Variants in ADGRB3 observed in about 807,000 individuals in gnomAD.
ADGRB3 encodes the protein brain-specific angiogenesis inhibitor 3.
In ADGRB3, 37 loss-of-function variants were observed where a neutral mutation model predicts 193.4. The observed-to-expected ratio is 0.19, with a 90% CI of 0.15 to 0.25. ADGRB3 has a LOEUF of 0.25. Ranked by LOEUF, ADGRB3 falls within the 10% of genes least tolerant of loss-of-function variation. ADGRB3 has a pLI of 1.00. For missense variants in ADGRB3, 1,637 were observed against 1,852.9 expected (o/e 0.88, Z 2.14); for synonymous variants, 690 against 644.2 (o/e 1.07, Z -1.08).
In ADGRB3 at chr6:68,930,659, G is replaced by A. The variant is rs930591409; in HGVS notation, c.858G>A (p.Met286Ile). 2 of 1,599,592 alleles carry A rather than the reference G, an allele frequency of 1.3e-6. No homozygotes were observed. Among genetic ancestry groups the A allele is most frequent in the Non-Finnish European group, 1.7e-6 (2 of 1,168,832 alleles). The change falls in exon 4 of 32, where the codon ATG (methionine) becomes ATA (isoleucine). Residue 286 changes from methionine to isoleucine, a missense_variant. Met to Ile is a conservative substitution (Grantham distance 10). Coordinates refer to ENST00000370598, the MANE Select transcript of ADGRB3 (RefSeq NM_001704.3). ...PQEQADAAKF[M>I]AQTGESGVEE... Reference sequence around the variant, plus strand: ...AACAAGCTGATGCTGCTAAATTTATGGCACAAACTGGTAATACGTTAGTTA... The same window carrying A: ...AACAAGCTGATGCTGCTAAATTTATAGCACAAACTGGTAATACGTTAGTTA...
intron 3 of ADGRB3, among the ~76,000 whole-genome samples, chr6:68,640,416 A>T (rs1004462566): frequency 6.6e-6 from 1 of 152,264 alleles, no homozygotes; most frequent in African/African-American, 2.4e-5. Context: ...ACAGCGTGAC[A>T]TATTTTGAGA....
chr6:69,339,468 T>C lies in ADGRB3; in HGVS notation c.3423T>C (p.Phe1141=), dbSNP rs2127319282. The change falls in exon 26 of 32, where the codon TTT becomes TTC. Residue 1141 remains phenylalanine, a synonymous_variant. Transcript: ENST00000370598. Reference sequence around the variant, plus strand: ...CTGTGTTTGATTCATTGCAAGGCTTTGTTATAGTCATGGTCCACTGCATTC... The same window carrying C: ...CTGTGTTTGATTCATTGCAAGGCTTCGTTATAGTCATGGTCCACTGCATTC... ...LFAVFDSLQG[F]VIVMVHCILR... is the part of the protein sequence containing the mutation. 6.2e-7 allele frequency: 1 copy of C among 1,614,022 alleles called. No homozygotes were observed. Among genetic ancestry groups the C allele is most frequent in the East Asian group, 2.2e-5 (1 of 44,888 alleles).
chr6:69,014,494 T>C (rs1770032851), intron 12 of ADGRB3, among the ~76,000 whole-genome samples: 3 of 152,032 alleles, frequency 2.0e-5, no homozygotes, highest in South Asian at 2.1e-4. Context: ...ACATATAATA[T>C]GGATCACAGA....
chr6:68,925,175 A>C (rs13197534), intron 3 of ADGRB3, among the ~76,000 whole-genome samples: 50,891 of 151,786 alleles, frequency 0.34, 9,554 homozygotes, highest in Middle Eastern at 0.53. Flanking sequence ...ATCAAATGAG[A>C]GAATACAATT....
chr6:69,066,079 A>G (rs1397269916), intron 16 of ADGRB3, among the ~76,000 whole-genome samples: 1 of 151,804 alleles, frequency 6.6e-6, no homozygotes, highest in East Asian at 1.9e-4. Flanking sequence ...GGTATCTGCA[A>G]GGGGTTCTGG....
intron 3 of ADGRB3, among the ~76,000 whole-genome samples, chr6:68,893,343 G>A (rs1264912346): frequency 6.6e-6 from 1 of 151,854 alleles, no homozygotes; most frequent in Non-Finnish European, 1.5e-5. Flanking sequence ...ATTTCACTAG[G>A]AATGAAATTG....
intron 3 of ADGRB3, among the ~76,000 whole-genome samples, chr6:68,647,009 C>T (rs905709312): frequency 1.3e-5 from 2 of 152,024 alleles, no homozygotes; most frequent in African/African-American, 2.4e-5. Context: ...GAAGGATTTC[C>T]GTATTTCATG....
intron 20 of ADGRB3, among the ~76,000 whole-genome samples, chr6:69,300,230 T>A (rs1301451367): frequency 6.6e-6 from 1 of 151,826 alleles, no homozygotes; most frequent in Non-Finnish European, 1.5e-5. Context: ...TATGATCATC[T>A]CAATAGATGC....
chr6:68,648,989 A>G (rs1297064537), intron 3 of ADGRB3, among the ~76,000 whole-genome samples: 2 of 151,972 alleles, frequency 1.3e-5, no homozygotes, highest in African/African-American at 4.8e-5. Context: ...GCAAAGTTCT[A>G]TTGCACATAT....
At chr6:69,223,226 G>A (rs115195850) in intron 17 of ADGRB3, among the ~76,000 whole-genome samples, 230 of 152,152 alleles carry the variant, frequency 1.5e-3, no homozygotes, top group African/African-American at 5.1e-3. Context: ...TTTGTATGTA[G>A]GCAATGATGA....
intron 20 of ADGRB3, among the ~76,000 whole-genome samples, chr6:69,289,220 G>C (rs1582607452): frequency 6.6e-6 from 1 of 152,294 alleles, no homozygotes; most frequent in East Asian, 1.9e-4. Context: ...AGTTTGAAGT[G>C]TTAGAGTCTT....
intron 31 of ADGRB3, among the ~76,000 whole-genome samples, chr6:69,384,519 T>G (rs185904570): frequency 6.6e-6 from 1 of 152,198 alleles, no homozygotes; most frequent in Admixed American, 6.5e-5. Flanking sequence ...TCTAAAAGTC[T>G]TATGCAACAG....
chr6:69,345,335 C>T (rs2127323125), intron 26 of ADGRB3, among the ~76,000 whole-genome samples: 1 of 152,206 alleles, frequency 6.6e-6, no homozygotes. Context: ...TGATGAATAT[C>T]AATGTAAACA....
chr6:68,749,523 T>A (rs1766154911), intron 3 of ADGRB3, among the ~76,000 whole-genome samples: 1 of 151,768 alleles, frequency 6.6e-6, no homozygotes. Context: ...GCATGTAAAT[T>A]TGTCCCATAT....
chr6:69,104,692 A>G (rs1044194960), intron 17 of ADGRB3, among the ~76,000 whole-genome samples: 2 of 152,174 alleles, frequency 1.3e-5, no homozygotes, highest in Non-Finnish European at 2.9e-5. Context: ...AGTAACACTG[A>G]AAACACAATA....
chr6:69,343,115 G>A (rs1293472554), intron 26 of ADGRB3, among the ~76,000 whole-genome samples: 1 of 150,348 alleles, frequency 6.7e-6, no homozygotes. Flanking sequence ...TTTTTAATGT[G>A]TTGTGTATGG....
intron 3 of ADGRB3, among the ~76,000 whole-genome samples, chr6:68,641,398 G>T (rs904436201): frequency 1.3e-5 from 2 of 152,048 alleles, no homozygotes; most frequent in Non-Finnish European, 2.9e-5. Context: ...AAATAAGAGT[G>T]ATTTTAGACA....
intron 3 of ADGRB3, among the ~76,000 whole-genome samples, chr6:68,782,835 T>C (rs944211658): frequency 6.6e-6 from 1 of 151,778 alleles, no homozygotes; most frequent in Non-Finnish European, 1.5e-5. Flanking sequence ...TTTTTTTTCT[T>C]GTAAATTTGT....
chr6:69,248,814 A>G (rs1029282790), intron 20 of ADGRB3, among the ~76,000 whole-genome samples: 9 of 152,118 alleles, frequency 5.9e-5, no homozygotes, highest in Non-Finnish European at 1.2e-4. Flanking sequence ...AGGCCAGCCT[A>G]TTTCTGGGCT....
Sources: gnomAD v4.1 joint callset for allele counts (sites outside exome capture counted in the v4.1 genomes callset) on GRCh38, gnomAD v4.1.1 for gene constraint, MANE v1.5 for transcripts, NCBI Gene and HGNC (gene_info 2026-07-23, HGNC 2026-07-21) for gene names.